The following ANXA4 variants were observed in gnomAD, a reference collection of about 807,000 sequenced individuals.
ANXA4 encodes 35-beta calcimedin.
A neutral mutation model predicts 49.8 loss-of-function variants in ANXA4; 39 were observed. That is an observed-to-expected ratio of 0.78 (90% CI 0.61 to 1.02). The LOEUF (loss-of-function observed/expected upper bound fraction) is 1.02. ANXA4 is among the 50% of genes least tolerant of loss of function. ANXA4 has a pLI of 0.00. For synonymous variants in ANXA4, 134 were observed against 152.5 expected (o/e 0.88, Z 0.89); for missense variants, 360 against 410.1 (o/e 0.88, Z 1.05).
At chr2:69,793,250 C>CAAAAAAAAAAAAA (rs70954360) in intron 3 of ANXA4, among the ~76,000 whole-genome samples, 2 of 128,566 alleles carry the variant, frequency 1.6e-5, no homozygotes, top group African/African-American at 3.0e-5. Context: ...GACTCCATCT[C>CAAAAAAAAAAAAA]AAAAAAAAAA....
At chr2:69,684,077 A>C (rs998410074) in intron 2 of ANXA4, among the ~76,000 whole-genome samples, 15 of 152,238 alleles carry the variant, frequency 9.9e-5, no homozygotes, top group African/African-American at 3.4e-4. Context: ...ATTTTTGTGG[A>C]TCTCCTTGAT....
At chr2:69,644,302 C>T (rs1277717318), upstream of ANXA4, 1 of 152,068 alleles carries the variant, frequency 6.6e-6, no homozygotes, top group Non-Finnish European at 1.5e-5. Context: ...CGCGGCTTAA[C>T]CGCTTAGCCC....
At chr2:69,667,034 A>G (rs895771250) in intron 2 of ANXA4, among the ~76,000 whole-genome samples, 1 of 152,174 alleles carries the variant, frequency 6.6e-6, no homozygotes, top group Non-Finnish European at 1.5e-5. Flanking sequence ...CGATAGAGTG[A>G]GACTCCATCT....
chr2:69,701,064 G>A (rs1309142780), intron 2 of ANXA4, among the ~76,000 whole-genome samples: 2 of 152,066 alleles, frequency 1.3e-5, no homozygotes, highest in African/African-American at 2.4e-5. Flanking sequence ...TAGTGGAGAC[G>A]GGGTTTCACC....
intron 11 of ANXA4, among the ~76,000 whole-genome samples, chr2:69,820,406 G>A (rs1247728579): frequency 6.6e-6 from 1 of 152,164 alleles, no homozygotes; most frequent in Non-Finnish European, 1.5e-5. Flanking sequence ...AATACTCCAT[G>A]AGAAGGAATC....
At chr2:69,654,614 C>G (rs1676369746) in intron 2 of ANXA4, among the ~76,000 whole-genome samples, 1 of 152,186 alleles carries the variant, frequency 6.6e-6, no homozygotes, top group South Asian at 2.1e-4. Flanking sequence ...TTGAACCAGC[C>G]TTGCATCCCA....
chr2:69,749,919 T>A (rs1254058738), intron 1 of ANXA4, among the ~76,000 whole-genome samples: 2 of 139,568 alleles, frequency 1.4e-5, no homozygotes, highest in African/African-American at 5.2e-5. Flanking sequence ...CGAGACTCTA[T>A]CTCAAAAAAA....
chr2:69,657,294 C>T lies in ANXA4; in HGVS notation n.766+4012C>T, dbSNP rs576100082. 2.6e-5 allele frequency among the ~76,000 whole-genome samples: 4 copies of T among 152,158 alleles called. No individual in the cohort carries two copies. In the South Asian group the frequency reaches 6.2e-4, roughly 24 times the overall value. The stretch of plus-strand genomic sequence containing the variant: ...CAAGCATGAGCCACCGTGCCCAGCA[C>T]ACTACATTAATTTTTAACACCTTGT... On this transcript the variant is annotated intron_variant and non_coding_transcript_variant, in intron 2 of 3. Transcript: ENST00000418066.
intron 1 of ANXA4, among the ~76,000 whole-genome samples, chr2:69,756,955 T>C (rs1186098879): frequency 6.8e-6 from 1 of 147,228 alleles, no homozygotes. Flanking sequence ...TTAGACAGAG[T>C]CTCACTCTGT....
chr2:69,815,276 G>C (rs1468043690), intron 8 of ANXA4: 1 of 152,182 alleles, frequency 6.6e-6, no homozygotes, highest in African/African-American at 2.4e-5. Context: ...TTTTGAATTA[G>C]GTGAATTAGA....
In ANXA4 at chr2:69,725,819, C is replaced by T. The variant is rs191022480; in HGVS notation, n.864+4948C>T. ...CATTTATTTTTAAGGAAAACAATGG[C>T]ATTTTAAGAGCCACCTCATTTTACC... On this transcript the variant is annotated intron_variant and non_coding_transcript_variant, in intron 3 of 3. Coordinates refer to the ANXA4 transcript ENST00000418066. Among the ~76,000 whole-genome samples, 3 of 152,252 alleles carry T rather than the reference C, an allele frequency of 2.0e-5. No individual in the cohort carries two copies. The East Asian group carries it at 5.8e-4, about 29-fold the overall frequency.
Position 69,815,702 on chromosome 2 carries a change from C to T in ANXA4, c.535-399C>T, listed in dbSNP as rs115033818. 702 of 190,432 alleles carry T rather than the reference C, an allele frequency of 3.7e-3. 2 individuals are homozygous for T. Among genetic ancestry groups the T allele is most frequent in the African/African-American group, 0.015 (643 of 43,336 alleles). 11.8% of individuals were successfully genotyped at this position (190,432 alleles called of 1,614,324 possible). On this transcript the variant is annotated intron_variant, in intron 8 of 12. Coordinates refer to ENST00000394295, the MANE Select transcript of ANXA4 (RefSeq NM_001153.5). The stretch of plus-strand genomic sequence containing the variant: ...TGGGTGACTACCGGCTACCTGTAGC[C>T]GCTGGGTACTTGAAATGAGGCCAAT...
intron 2 of ANXA4, among the ~76,000 whole-genome samples, chr2:69,683,799 G>A (rs1344092476): frequency 2.6e-5 from 4 of 152,178 alleles, no homozygotes; most frequent in African/African-American, 9.6e-5. Flanking sequence ...AACAAATAAG[G>A]CAAGAGAATT....
chr2:69,790,556 T>A (rs542896160), intron 3 of ANXA4, among the ~76,000 whole-genome samples: 2 of 152,330 alleles, frequency 1.3e-5, no homozygotes, highest in South Asian at 4.1e-4. Flanking sequence ...CAGAGTTTGT[T>A]TGATACCTGT....
chr2:69,651,844 C>T (rs1676259264), intron 1 of ANXA4, among the ~76,000 whole-genome samples: 1 of 118,322 alleles, frequency 8.5e-6, no homozygotes, highest in Non-Finnish European at 1.7e-5. Context: ...GAGACAGAGT[C>T]TCACTCTGTT....
chr2:69,820,971 C>A, intron 12 of ANXA4, 150 bp downstream of exon 12: 3 of 929,340 alleles, frequency 3.2e-6, no homozygotes, highest in Non-Finnish European at 3.0e-6. Context: ...TCCTCTTTCA[C>A]ACAGATATTT....
At chr2:69,766,978 A>G (rs1018871804) in intron 1 of ANXA4, among the ~76,000 whole-genome samples, 3 of 152,142 alleles carry the variant, frequency 2.0e-5, no homozygotes, top group Non-Finnish European at 2.9e-5. Context: ...GCATGCTTAT[A>G]TTGTAGCCTT....
chr2:69,726,497 G>C (rs1277918345), intron 3 of ANXA4, among the ~76,000 whole-genome samples: 1 of 152,084 alleles, frequency 6.6e-6, no homozygotes, highest in Admixed American at 6.6e-5. Context: ...CGATGATTTC[G>C]CCTAAAAGAT....
At chr2:69,713,226 G>A (rs141141210) in intron 2 of ANXA4, among the ~76,000 whole-genome samples, 2,413 of 152,156 alleles carry the variant, frequency 0.016, 48 homozygotes, top group East Asian at 0.08. Context: ...GGTAGAGGGA[G>A]CCCCTCTATC....
Sources: gnomAD v4.1 joint callset for allele counts (sites outside exome capture counted in the v4.1 genomes callset) on GRCh38, gnomAD v4.1.1 for gene constraint, MANE v1.5 for transcripts, NCBI Gene and HGNC (gene_info 2026-07-23, HGNC 2026-07-21) for gene names.